STAB2: variants seen among roughly 807,000 people sequenced by gnomAD.
STAB2 encodes stabilin-2.
STAB2 carries 288 observed loss-of-function variants against 338.1 expected under a neutral mutation model. The ratio of observed to expected loss-of-function variants is 0.85; its 90% CI spans 0.77 to 0.94. STAB2 has a LOEUF of 0.94. Ranked by LOEUF, STAB2 falls within the 40% of genes least tolerant of loss-of-function variation. The probability of loss-of-function intolerance (pLI) is 0.00; values close to 1 mark genes in which losing one functional copy is unlikely to be tolerated. For missense variants in STAB2, 3,141 were observed against 3,210.1 expected (o/e 0.98, Z 0.52); for synonymous variants, 1,202 against 1,193.3 (o/e 1.01, Z -0.15).
At chr12:103,683,148 A>C in intron 25 of STAB2, 57 bp from the exon 26 acceptor site, 2 of 1,492,142 alleles carry the variant, frequency 1.3e-6, no homozygotes, top group Non-Finnish European at 1.9e-6. Context: ...TGTGAGGGAA[A>C]GACATGGAAG....
At chr12:103,659,581 A>C (rs955147598) in intron 15 of STAB2, among the ~76,000 whole-genome samples, 11 of 152,244 alleles carry the variant, frequency 7.2e-5, no homozygotes, top group Non-Finnish European at 1.3e-4. Context: ...CAGATAAATT[A>C]CAGCAGACCA....
At chr12:103,747,097 CA>C (rs2139152037) in intron 58 of STAB2, among the ~76,000 whole-genome samples, 1 of 152,056 alleles carries the variant, frequency 6.6e-6, no homozygotes, top group Non-Finnish European at 1.5e-5. Flanking sequence ...GCTGGGATTA[CA>C]GGCATGCGCC....
At chr12:103,685,161 A>T (rs1211719062) in intron 27 of STAB2, 77 bp downstream of exon 27, 5 of 1,291,242 alleles carry the variant, frequency 3.9e-6, no homozygotes, top group Non-Finnish European at 5.5e-6. Context: ...CTTTAAAGTG[A>T]TCTATTGACA....
At chr12:103,607,583 G>C (rs9668019) in intron 3 of STAB2, among the ~76,000 whole-genome samples, 48,501 of 147,010 alleles carry the variant, frequency 0.33, 9,971 homozygotes, top group African/African-American at 0.59. Flanking sequence ...TCCCCTTCCT[G>C]TGTCCAAGTG....
At chr12:103,669,245 A>T (rs896092699) in intron 20 of STAB2, 2 of 357,552 alleles carry the variant, frequency 5.6e-6, no homozygotes, top group Non-Finnish European at 1.0e-5. Flanking sequence ...TACTGTTTTT[A>T]AAATTCATAC....
intron 25 of STAB2, among the ~76,000 whole-genome samples, chr12:103,680,879 G>A (rs1876836709): frequency 6.6e-6 from 1 of 152,228 alleles, no homozygotes. Context: ...CTATTCATTT[G>A]CTCATTCATC....
At chr12:103,696,623 C>A (rs1878426200) in intron 33 of STAB2, among the ~76,000 whole-genome samples, 1 of 152,126 alleles carries the variant, frequency 6.6e-6, no homozygotes, top group Non-Finnish European at 1.5e-5. Flanking sequence ...CTTTGACAAA[C>A]TTTGACTATT....
At chr12:103,737,871 A>G (rs1882283500) in intron 53 of STAB2, 91 bp downstream of exon 53, 7 of 1,533,610 alleles carry the variant, frequency 4.6e-6, no homozygotes, top group African/African-American at 1.4e-5. Context: ...GAAACCATTA[A>G]GGGCCTGTCC....
At chr12:103,690,388 A>G (rs1384776444) in intron 29 of STAB2, 36 bp from the exon 30 acceptor site, 1 of 1,523,112 alleles carries the variant, frequency 6.6e-7, no homozygotes, top group Admixed American at 1.7e-5. Flanking sequence ...CCATACATTT[A>G]TATTGAATTA....
At chr12:103,606,802 G>A (rs1957034964) in intron 3 of STAB2, among the ~76,000 whole-genome samples, 1 of 152,128 alleles carries the variant, frequency 6.6e-6, no homozygotes, top group Non-Finnish European at 1.5e-5. Flanking sequence ...GGCTAACATG[G>A]TGAAACCCTG....
In STAB2 at chr12:103,594,393, A is replaced by G. The variant is rs745824794; in HGVS notation, c.216-2A>G. ...GTTAATGTCCTCTCTTTACCCTCCA[A>G]GGTACACCTTTGAGGTCAGAACATA... On this transcript the variant is annotated splice_acceptor_variant, in intron 2 of 68. Transcript: ENST00000388887. LOFTEE classifies it high-confidence loss of function. The G allele has an allele frequency of 6.2e-7, 1 of 1,612,858 alleles. No individual in the cohort carries two copies. Among genetic ancestry groups the G allele is most frequent in the Non-Finnish European group, 8.5e-7 (1 of 1,178,954 alleles).
At chr12:103,664,423 C>T (rs182362398) in intron 18 of STAB2, among the ~76,000 whole-genome samples, 292 of 152,320 alleles carry the variant, frequency 1.9e-3, no homozygotes, top group East Asian at 9.4e-3. Flanking sequence ...GGATTACAGG[C>T]GTGAGCCACC....
intron 15 of STAB2, chr12:103,657,782 C>T (rs1335766446): frequency 6.6e-6 from 1 of 152,204 alleles, no homozygotes. Flanking sequence ...GCTTCTTTCT[C>T]AGGTACAGAG....
At chr12:103,711,559 T>C in intron 40 of STAB2, 43 bp downstream of exon 40, 1 of 1,607,958 alleles carries the variant, frequency 6.2e-7, no homozygotes, top group Non-Finnish European at 8.5e-7. Flanking sequence ...GTAAAGGGGA[T>C]TTTTTCCCAA....
At chr12:103,689,033 A>C (rs1334478721) in intron 28 of STAB2, among the ~76,000 whole-genome samples, 1 of 151,232 alleles carries the variant, frequency 6.6e-6, no homozygotes, top group Non-Finnish European at 1.5e-5. Flanking sequence ...TTTTTCCTGG[A>C]GATCCAGTTG....
At chr12:103,664,166 CAG>C (rs1400887134) in intron 18 of STAB2, among the ~76,000 whole-genome samples, 1 of 131,292 alleles carries the variant, frequency 7.6e-6, no homozygotes, top group Non-Finnish European at 1.7e-5. Context: ...TGTTTTGAGA[CAG>C]AGTCTCGCTC....
intron 59 of STAB2, among the ~76,000 whole-genome samples, chr12:103,749,504 A>G (rs182448093): frequency 6.6e-6 from 1 of 152,004 alleles, no homozygotes; most frequent in African/African-American, 2.4e-5. Context: ...CCTTCTATCT[A>G]TCTAAAATTA....
chr12:103,726,871 T>C (rs995905025), intron 46 of STAB2, among the ~76,000 whole-genome samples: 1 of 152,196 alleles, frequency 6.6e-6, no homozygotes, highest in East Asian at 1.9e-4. Flanking sequence ...AAGACAATTA[T>C]AACAGTTAAG....
rs148239760 is a variant in STAB2, at chr12:103,705,649, A to G, written c.3918A>G (p.Arg1306=). The change falls in exon 37 of 69, where the codon AGA becomes AGG. Residue 1306 remains arginine (R), a synonymous_variant. Coordinates refer to ENST00000388887, the MANE Select transcript of STAB2 (RefSeq NM_017564.10). ...GTKSLGNEKR[R]CIYTSYFMGR... is the part of the protein sequence containing the mutation. Reference sequence around the variant, plus strand: ...TTTCACAGGGTAATGAGAAGAGGAGATGCATCTATACCTCCTATTTCATGG... The same window carrying G: ...TTTCACAGGGTAATGAGAAGAGGAGGTGCATCTATACCTCCTATTTCATGG... 5.0e-6 allele frequency: 8 copies of G among 1,613,978 alleles called. No individual in the cohort carries two copies. In the African/African-American group the frequency reaches 1.1e-4, roughly 22 times the overall value.
Sources: gnomAD v4.1 joint callset for allele counts (sites outside exome capture counted in the v4.1 genomes callset) on GRCh38, gnomAD v4.1.1 for gene constraint, MANE v1.5 for transcripts, NCBI Gene and HGNC (gene_info 2026-07-23, HGNC 2026-07-21) for gene names.